Variants in MBD3 observed in about 807,000 individuals in gnomAD.
The protein encoded by MBD3 is methyl-CpG binding domain protein 3.
Under a neutral mutation model 31.2 loss-of-function variants are expected in MBD3, and 13 were observed. That is an observed-to-expected ratio of 0.42 (90% CI 0.27 to 0.66). The LOEUF (loss-of-function observed/expected upper bound fraction) is 0.66, where lower values mean the gene tolerates loss of function less well. Among genes scored for constraint, MBD3 ranks in the 30% least tolerant of loss-of-function variants. MBD3 has a pLI of 0.26. For missense variants in MBD3, 440 were observed against 426.5 expected, an observed-to-expected ratio of 1.03 and a Z score of -0.28; for synonymous variants, 223 against 187.4, an observed-to-expected ratio of 1.19 and a Z score of -1.55.
chr19:1,587,726 A>T (rs1028928164), intron 1 of MBD3, among the ~76,000 whole-genome samples: 1 of 152,224 alleles, frequency 6.6e-6, no homozygotes, highest in Admixed American at 6.5e-5. Flanking sequence ...TTTTATCTTG[A>T]TAAAATCATT....
intron 1 of MBD3, among the ~76,000 whole-genome samples, chr19:1,590,444 C>T (rs2060698403): frequency 6.6e-6 from 1 of 152,074 alleles, no homozygotes; most frequent in South Asian, 2.1e-4. Context: ...CTAGGCAACA[C>T]AGCAAAACCC....
chr19:1,578,522 C>T lies in MBD3; in HGVS notation c.694G>A (p.Val232Met). 6.2e-7 allele frequency: 1 copy of T among 1,612,426 alleles called. No individual in the cohort carries two copies. The change falls in exon 6 of 7, where the codon GTG (valine) becomes ATG (methionine). Residue 232 changes from valine (V) to methionine (M), a missense_variant. Val to Met is a conservative substitution (Grantham distance 21, BLOSUM62 1). Around this residue, in one of 3 missense-constraint regions of MBD3, gnomAD observed 117 missense variants for 95.0 expected, o/e 1.23. Coordinates refer to ENST00000434436, the MANE Select transcript of MBD3 (RefSeq NM_001281453.2). The surrounding 1 kb of genome is among the most constrained non-coding windows in gnomAD (Gnocchi z 6.1). ...DEDIRKQEEL[V>M]QQVRKRLEEA... ...TCCAGCCGCTTCCGCACCTGCTGCACCAGCTCTTCCTGCTTCCTGGGGACA... is the reference window on the plus strand; with the variant it reads ...TCCAGCCGCTTCCGCACCTGCTGCATCAGCTCTTCCTGCTTCCTGGGGACA...
chr19:1,577,005 G>A lies in MBD3; in HGVS notation c.*1159C>T. ...CCCCATCAGGGATGGTCACAGTCCA[G>A]CCACAGGGGCGACTCTGCCCATCAG... On this transcript the variant is annotated 3_prime_UTR_variant, in exon 7 of 7. Transcript: ENST00000434436. 6.6e-6 allele frequency: 1 copy of A among 152,492 alleles called. No homozygotes were observed. The highest frequency in any genetic ancestry group is 1.5e-5 in the Non-Finnish European group (1 of 68,118). 9.4% of individuals were successfully genotyped at this position (152,492 alleles called of 1,614,324 possible).
intron 1 of MBD3, among the ~76,000 whole-genome samples, chr19:1,586,892 C>T (rs1198725061): frequency 6.6e-6 from 1 of 151,822 alleles, no homozygotes; most frequent in African/African-American, 2.4e-5. Context: ...GTCACGAACT[C>T]CTGACCTCAG....
chr19:1,590,533 G>C (rs1459716638), intron 1 of MBD3, among the ~76,000 whole-genome samples: 1 of 152,046 alleles, frequency 6.6e-6, no homozygotes, highest in Non-Finnish European at 1.5e-5. Flanking sequence ...TGAGAGGGTC[G>C]CCTGAGCCTG....
rs560196869 is a variant in MBD3 at position 1,579,947 on chromosome 19, G to A, written c.677+1145C>T. On this transcript the variant is annotated intron_variant, in intron 5 of 6. Coordinates refer to ENST00000434436, the MANE Select transcript of MBD3 (RefSeq NM_001281453.2). ...TAATTATTTTATTTTTAGTGGAGAC[G>A]GGGTTTCACCATGTTGGCCAGGCTG... is the stretch of plus-strand genomic sequence containing the variant. 3.0e-4 allele frequency among the ~76,000 whole-genome samples: 46 copies of A among 152,060 alleles called. 1 individual carries two copies. Among genetic ancestry groups the A allele is most frequent in the Non-Finnish European group, 4.4e-4 (30 of 68,016 alleles).
chr19:1,578,017 G>A lies in MBD3; in HGVS notation c.*147C>T, dbSNP rs1038745285. 24 of 467,906 alleles carry A rather than the reference G, an allele frequency of 5.1e-5. No homozygotes were observed. Among genetic ancestry groups the A allele is most frequent in the East Asian group, 1.2e-4 (3 of 24,432 alleles). 29.0% of individuals were successfully genotyped at this position (467,906 alleles called of 1,614,324 possible). A position where few individuals can be genotyped will look rare whatever the true frequency, so the allele number is the denominator to read the frequency against. On this transcript the variant is annotated 3_prime_UTR_variant, in exon 7 of 7. Transcript: ENST00000434436. This position sits in a 1 kb window ranked among gnomAD's most constrained non-coding sequence, Gnocchi z 6.1. ...CCCCGAGGCCCCGGGAAGTGGGGAC[G>A]GGCCGAGGAGGGAGCCAGGAGCACG... is the stretch of plus-strand genomic sequence containing the variant.
chr19:1,587,697 A>C (rs1599347581), intron 1 of MBD3, among the ~76,000 whole-genome samples: 1 of 152,356 alleles, frequency 6.6e-6, no homozygotes, highest in South Asian at 2.1e-4. Flanking sequence ...GGCGGCAGCC[A>C]CTATGCCTGG....
Position 1,575,429 on chromosome 19 carries a change from C to T in MBD3, c.*2735G>A, listed in dbSNP as rs1226981729. 1 of 330,180 alleles carries T rather than the reference C, an allele frequency of 3.0e-6. No homozygotes were observed. The highest frequency in any genetic ancestry group is 2.3e-5 in the South Asian group (1 of 44,036). 20.5% of individuals were successfully genotyped at this position (330,180 alleles called of 1,614,324 possible). Reference sequence around the variant, plus strand: ...TCTTGTCTAAAAAAAAAAAAAGTCCCAGAAGGTCTTGGGGCTGAGACATGG... The same window carrying T: ...TCTTGTCTAAAAAAAAAAAAAGTCCTAGAAGGTCTTGGGGCTGAGACATGG... On this transcript the variant is annotated 3_prime_UTR_variant, in exon 7 of 7. Coordinates refer to ENST00000434436, the MANE Select transcript of MBD3 (RefSeq NM_001281453.2).
intron 1 of MBD3, among the ~76,000 whole-genome samples, chr19:1,591,123 A>G (rs766040315): frequency 7.2e-5 from 11 of 152,044 alleles, no homozygotes; most frequent in Non-Finnish European, 1.2e-4. Context: ...CTGTCACTCA[A>G]TGTCACGTCC....
At position 1,591,540 on chromosome 19, in the gene MBD3, G is replaced by A. The variant is rs1235675713; in HGVS notation, c.110+982C>T. On this transcript the variant is annotated intron_variant, in intron 1 of 6. Transcript: ENST00000434436. ...CGACCCCGAGCTGTGGGAAAAAGGG[G>A]GACCAGCCGCACACCCCCCTTTACC... 3.3e-5 allele frequency among the ~76,000 whole-genome samples: 5 copies of A among 152,276 alleles called. No homozygotes were observed. In the East Asian group the frequency reaches 9.7e-4, roughly 29 times the overall value.
chr19:1,584,103 G>C (rs1015014833), intron 3 of MBD3, among the ~76,000 whole-genome samples: 1 of 152,160 alleles, frequency 6.6e-6, no homozygotes, highest in African/African-American at 2.4e-5. Context: ...GGGATTACAG[G>C]CGTGAGTCAC....
rs547115575 is a variant in MBD3, at chr19:1,578,490, C to T, written c.726G>A (p.Ala242=). 46 of 1,611,546 alleles carry T rather than the reference C, an allele frequency of 2.9e-5. 1 individual carries two copies. The highest frequency in any genetic ancestry group is 2.5e-4 in the South Asian group (23 of 91,082). The change falls in exon 6 of 7, where the codon GCG becomes GCA. Residue 242 remains alanine, a synonymous_variant. Transcript: ENST00000434436. The surrounding 1 kb of genome is among the most constrained non-coding windows in gnomAD (Gnocchi z 6.1). The part of the protein sequence containing the change: ...VQQVRKRLEE[A]LMADMLAHVE... The stretch of plus-strand genomic sequence containing the variant: ...CGTGCGCCAGCATGTCGGCCATCAG[C>T]GCCTCCTCCAGCCGCTTCCGCACCT...
chr19:1,581,514 G>A, intron 4 of MBD3: 1 of 572,584 alleles, frequency 1.7e-6, no homozygotes, highest in Non-Finnish European at 3.1e-6. Context: ...AGGGCGAGGT[G>A]GGAGGACTGA....
intron 5 of MBD3, 139 bp downstream of exon 5, chr19:1,580,953 C>T: frequency 8.7e-7 from 1 of 1,142,880 alleles, no homozygotes; most frequent in Non-Finnish European, 1.3e-6. Flanking sequence ...GATGGGTCCC[C>T]TTGCCCTGGC....
chr19:1,582,444 G>A (rs1020724684), intron 4 of MBD3, among the ~76,000 whole-genome samples, 178 bp downstream of exon 4: 3 of 151,842 alleles, frequency 2.0e-5, no homozygotes, highest in Admixed American at 6.6e-5. Context: ...CAGCCCAAGC[G>A]CCCTTACCCA....
chr19:1,576,839 TGCCCTG>T lies in MBD3; in HGVS notation c.*1319_*1324del, dbSNP rs1210892465. The stretch of plus-strand genomic sequence containing the variant: ...GTCCCCACCTGGAGCTTCCCTCGGC[TGCCCTG>T]GCCCTTGAGCCCGTCCTGAGGATTT... On this transcript the variant is annotated 3_prime_UTR_variant, in exon 7 of 7. Coordinates refer to ENST00000434436, the MANE Select transcript of MBD3 (RefSeq NM_001281453.2). 2 of 152,348 alleles carry T rather than the reference TGCCCTG, an allele frequency of 1.3e-5. No individual in the cohort carries two copies. The highest frequency in any genetic ancestry group is 2.9e-5 in the Non-Finnish European group (2 of 68,108). 9.4% of individuals were successfully genotyped at this position (152,348 alleles called of 1,614,324 possible).
In MBD3 at chr19:1,578,653, C is replaced by G; in HGVS notation, c.678-115G>C. On this transcript the variant is annotated intron_variant, in intron 5 of 6. Coordinates refer to ENST00000434436, the MANE Select transcript of MBD3 (RefSeq NM_001281453.2). This position sits in a 1 kb window ranked among gnomAD's most constrained non-coding sequence, Gnocchi z 6.1. The stretch of plus-strand genomic sequence containing the variant: ...GAGGCCCGAGGGATCCACAGGCACC[C>G]CCCCAGGACCAGCCCTGGCCCGTGC... 1.3e-6 allele frequency: 2 copies of G among 1,588,264 alleles called. No homozygotes were observed. The highest frequency in any genetic ancestry group is 1.7e-6 in the Non-Finnish European group (2 of 1,172,154).
At chr19:1,584,960 G>A in intron 2 of MBD3, 95 bp downstream of exon 2, 5 of 1,533,804 alleles carry the variant, frequency 3.3e-6, no homozygotes, top group Non-Finnish European at 3.5e-6. Context: ...CCTGCGCTCA[G>A]GACGCCGGGC....
Sources: allele counts gnomAD v4.1 joint callset (sites outside exome capture counted in the v4.1 genomes callset), GRCh38; gene constraint gnomAD v4.1.1; regional missense constraint gnomAD v4.1.1; non-coding constraint Gnocchi (gnomAD v3.1); transcripts MANE v1.5; gene names NCBI Gene and HGNC (gene_info 2026-07-23, HGNC 2026-07-21).